STIMATE: variants seen among roughly 807,000 people sequenced by gnomAD.
STIMATE encodes STIM activating enhancer, also known as store-operated calcium entry regulator STIMATE.
In STIMATE, 15 loss-of-function variants were observed where a neutral mutation model predicts 36.7. That is an observed-to-expected ratio of 0.41 (90% CI 0.27 to 0.63). The LOEUF (loss-of-function observed/expected upper bound fraction) is 0.63, where lower values mean the gene tolerates loss of function less well. Ranked by LOEUF, STIMATE falls within the 20% of genes least tolerant of loss-of-function variation. STIMATE has a pLI of 0.32. For missense variants in STIMATE, 305 were observed against 397.3 expected (o/e 0.77, Z 1.98); for synonymous variants, 163 against 162.3 (o/e 1.00, Z -0.03).
At chr3:52,865,902 G>T (rs1359128387) in intron 1 of STIMATE, among the ~76,000 whole-genome samples, 1 of 149,498 alleles carries the variant, frequency 6.7e-6, no homozygotes, top group Admixed American at 6.6e-5. Flanking sequence ...GTGTGTAGGG[G>T]CGGTGGGGGG....
intron 6 of STIMATE, 77 bp downstream of exon 6, chr3:52,843,644 T>C (rs1337352016): frequency 5.6e-6 from 9 of 1,609,206 alleles, no homozygotes; most frequent in African/African-American, 1.3e-5. Flanking sequence ...GTGAGCTTTC[T>C]GTCAGACTCA....
At chr3:52,883,288 A>G (rs1221254150) in intron 1 of STIMATE, among the ~76,000 whole-genome samples, 1 of 152,222 alleles carries the variant, frequency 6.6e-6, no homozygotes, top group Non-Finnish European at 1.5e-5. Context: ...AGGCTTGAAT[A>G]GCTTGACAAA....
At chr3:52,846,487 G>A (rs936072910) in intron 4 of STIMATE, 1 of 152,212 alleles carries the variant, frequency 6.6e-6, no homozygotes, top group African/African-American at 2.4e-5. Context: ...GGGAGCCAGC[G>A]GAGCGCGCGG....
chr3:52,880,163 C>A (rs993562234), intron 1 of STIMATE, among the ~76,000 whole-genome samples: 8 of 152,190 alleles, frequency 5.3e-5, no homozygotes, highest in African/African-American at 1.7e-4. Flanking sequence ...AGGCTTAGGG[C>A]CCGGGTGGGG....
chr3:52,893,287 T>C (rs1279843053), intron 1 of STIMATE, among the ~76,000 whole-genome samples: 1 of 152,030 alleles, frequency 6.6e-6, no homozygotes, highest in Non-Finnish European at 1.5e-5. Context: ...ATGTGGGAGA[T>C]TGTCCTTATT....
At chr3:52,866,134 A>G (rs1701307253) in intron 1 of STIMATE, among the ~76,000 whole-genome samples, 1 of 152,230 alleles carries the variant, frequency 6.6e-6, no homozygotes, top group African/African-American at 2.4e-5. Flanking sequence ...CACACTTGCT[A>G]CATCAAAAGC....
At chr3:52,866,166 C>T (rs1011832944) in intron 1 of STIMATE, among the ~76,000 whole-genome samples, 28 of 152,246 alleles carry the variant, frequency 1.8e-4, no homozygotes, top group Admixed American at 3.9e-4. Flanking sequence ...TATTCTGTGG[C>T]GCCGCTCTCC....
intron 1 of STIMATE, among the ~76,000 whole-genome samples, chr3:52,873,806 C>T (rs1183628631): frequency 6.6e-6 from 1 of 152,210 alleles, no homozygotes; most frequent in Admixed American, 6.5e-5. Flanking sequence ...AAGGACCCTA[C>T]CCTGTGAGCC....
At chr3:52,843,424 C>A (rs893652342) in intron 6 of STIMATE, among the ~76,000 whole-genome samples, 8 of 152,072 alleles carry the variant, frequency 5.3e-5, no homozygotes, top group African/African-American at 1.7e-4. Context: ...TTGGAACAAT[C>A]CTGAACTAGA....
At chr3:52,891,184 C>T (rs968928737) in intron 1 of STIMATE, among the ~76,000 whole-genome samples, 2 of 151,886 alleles carry the variant, frequency 1.3e-5, no homozygotes, top group Admixed American at 1.3e-4. Flanking sequence ...AGAAAGTGAA[C>T]CTGTGTGGAA....
At chr3:52,885,153 A>AT (rs1701670231) in intron 1 of STIMATE, among the ~76,000 whole-genome samples, 1 of 151,786 alleles carries the variant, frequency 6.6e-6, no homozygotes, top group African/African-American at 2.4e-5. Context: ...TTTAATTTGC[A>AT]TTTTCCTGAT....
intron 1 of STIMATE, among the ~76,000 whole-genome samples, chr3:52,875,326 G>T (rs2106709454): frequency 6.6e-6 from 1 of 152,286 alleles, no homozygotes; most frequent in East Asian, 1.9e-4. Context: ...AAGAAGGCAT[G>T]GCCGTGGAGT....
Position 52,844,850 on chromosome 3 carries a change from G to C in STIMATE, c.519C>G (p.Leu173=), listed in dbSNP as rs1463139045. 7 of 1,614,152 alleles carry C rather than the reference G, an allele frequency of 4.3e-6. No homozygotes were observed. Among genetic ancestry groups the C allele is most frequent in the Middle Eastern group, 1.6e-4 (1 of 6,062 alleles). Residue 173 remains leucine, a synonymous_variant, in exon 5 of 8, where the codon CTC becomes CTG. Transcript: ENST00000355083. Reference sequence around the variant, plus strand: ...AAACCTTTTTCCACTGAAGTATTAGGAGGACGATGAAGACGACAGACTTTT... The same window carrying C: ...AAACCTTTTTCCACTGAAGTATTAGCAGGACGATGAAGACGACAGACTTTT... The part of the protein sequence containing the change: ...IFEKSVVFIV[L]LILQWKKVAL...
In STIMATE at chr3:52,858,398, G is replaced by A. The variant is rs542679189; in HGVS notation, c.161-2954C>T. Among the ~76,000 whole-genome samples, 8 of 152,228 alleles carry A rather than the reference G, an allele frequency of 5.3e-5. No individual in the cohort carries two copies. In the South Asian group the frequency reaches 1.7e-3, roughly 32 times the overall value. On this transcript the variant is annotated intron_variant, in intron 1 of 7. Transcript: ENST00000355083. ...CACCTGTAATCCAAACTTAAGGAGT[G>A]GATTGCTTGAGCCCAGGAGTTTGAG...
At chr3:52,848,630 A>C (rs1200501496) in intron 4 of STIMATE, 1 of 152,296 alleles carries the variant, frequency 6.6e-6, no homozygotes, top group Non-Finnish European at 1.5e-5. Context: ...CTGGTGCAGC[A>C]GGCCCAGGCT....
chr3:52,877,352 G>C (rs576622252), intron 1 of STIMATE, among the ~76,000 whole-genome samples: 4 of 152,348 alleles, frequency 2.6e-5, no homozygotes, highest in Admixed American at 1.3e-4. Flanking sequence ...CACAATGTTA[G>C]GAAGGTCAGT....
At chr3:52,892,962 C>T (rs1343313651) in intron 1 of STIMATE, among the ~76,000 whole-genome samples, 1 of 151,482 alleles carries the variant, frequency 6.6e-6, no homozygotes, top group Admixed American at 6.6e-5. Flanking sequence ...ATTCAAACAC[C>T]ACAAGGAAAC....
At chr3:52,888,877 C>T (rs1476362232) in intron 1 of STIMATE, among the ~76,000 whole-genome samples, 2 of 152,196 alleles carry the variant, frequency 1.3e-5, no homozygotes, top group Non-Finnish European at 2.9e-5. Flanking sequence ...CACAACATCA[C>T]GTCTTTAAAA....
intron 4 of STIMATE, chr3:52,847,963 A>C (rs933242134): frequency 5.7e-6 from 1 of 174,432 alleles, no homozygotes; most frequent in Admixed American, 5.8e-5. Flanking sequence ...CAGACTCTAG[A>C]GGCTGGAAAG....
Sources: allele counts gnomAD v4.1 joint callset (sites outside exome capture counted in the v4.1 genomes callset), GRCh38; gene constraint gnomAD v4.1.1; transcripts MANE v1.5; gene names NCBI Gene and HGNC (gene_info 2026-07-23, HGNC 2026-07-21).